EPB41L4A: variants seen among roughly 807,000 people sequenced by gnomAD.
The protein encoded by EPB41L4A is band 4.1-like protein 4A.
EPB41L4A carries 100 observed loss-of-function variants against 108.6 expected under a neutral mutation model. The ratio of observed to expected loss-of-function variants is 0.92; its 90% CI spans 0.78 to 1.09. The LOEUF (loss-of-function observed/expected upper bound fraction) is 1.09. Among genes scored for constraint, EPB41L4A ranks in the 50% least tolerant of loss-of-function variants. The pLI is 0.00. For missense variants in EPB41L4A, 1,030 were observed against 842.7 expected (o/e 1.22, Z -2.75); for synonymous variants, 319 against 289.0 (o/e 1.10, Z -1.05).
intron 1 of EPB41L4A, among the ~76,000 whole-genome samples, chr5:112,405,443 A>AT (rs1195813056): frequency 1.3e-5 from 2 of 152,232 alleles, no homozygotes; most frequent in African/African-American, 4.8e-5. Context: ...AGTTTTGTCC[A>AT]TAATTTGCCA....
At chr5:112,267,417 T>A (rs764640870) in intron 4 of EPB41L4A, among the ~76,000 whole-genome samples, 1 of 152,224 alleles carries the variant, frequency 6.6e-6, no homozygotes, top group Non-Finnish European at 1.5e-5. Flanking sequence ...AGACACCACA[T>A]TGATTATTTC....
intron 4 of EPB41L4A, among the ~76,000 whole-genome samples, chr5:112,271,224 C>A (rs1752241515): frequency 6.6e-6 from 1 of 152,138 alleles, no homozygotes; most frequent in Non-Finnish European, 1.5e-5. Context: ...TCAGCACCTA[C>A]AATAAGAAGG....
rs1392177326 is a variant in EPB41L4A at position 112,259,971 on chromosome 5, G to C, written c.651C>G (p.Asn217Lys). The C allele has an allele frequency of 2.5e-6, 4 of 1,613,436 alleles. No individual in the cohort carries two copies. The highest frequency in any genetic ancestry group is 8.5e-7 in the Non-Finnish European group (1 of 1,179,456). The change falls in exon 8 of 23, where the codon AAC becomes AAG. Residue 217 changes from asparagine to lysine, a missense_variant. By Grantham distance (94) the Asn-to-Lys change is moderately conservative. Transcript: ENST00000261486. ...TTAATCCTAAGAAATACTCAGACTTGTTTTCTCCCTGCAAAAACAAACATA... is the reference window on the plus strand; with the variant it reads ...TTAATCCTAAGAAATACTCAGACTTCTTTTCTCCCTGCAAAAACAAACATA... ...GVDLHPVYGENKSEYFLGLTP... is the reference protein window; with the variant it reads ...GVDLHPVYGEKKSEYFLGLTP...
At chr5:112,209,039 A>T (rs1203208229) in intron 13 of EPB41L4A, among the ~76,000 whole-genome samples, 1 of 152,244 alleles carries the variant, frequency 6.6e-6, no homozygotes, top group East Asian at 1.9e-4. Flanking sequence ...TTCAGATCTT[A>T]AAGTTATCTT....
Position 112,197,353 on chromosome 5 carries a change from T to C in EPB41L4A, c.1377-1645A>G, listed in dbSNP as rs187235024. On this transcript the variant is annotated intron_variant, in intron 15 of 22. Coordinates refer to ENST00000261486, the MANE Select transcript of EPB41L4A (RefSeq NM_022140.5). ...CATTCTGATCTCTTTAACGTATGGC[T>C]TACGTTACTCCATTTCCTCCAACAC... Among the ~76,000 whole-genome samples the C allele has an allele frequency of 3.2e-3, 485 of 152,294 alleles. 2 individuals are homozygous for C. The highest frequency in any genetic ancestry group is 4.4e-3 in the Non-Finnish European group (301 of 68,022).
At chr5:112,212,422 A>G (rs949436251) in intron 12 of EPB41L4A, among the ~76,000 whole-genome samples, 5 of 151,764 alleles carry the variant, frequency 3.3e-5, no homozygotes, top group African/African-American at 1.2e-4. Flanking sequence ...ACTCCCAAGT[A>G]GCTGGGATTA....
intron 4 of EPB41L4A, 37 bp from the exon 5 acceptor site, chr5:112,266,367 T>C: frequency 7.0e-7 from 1 of 1,430,778 alleles, no homozygotes; most frequent in African/African-American, 1.4e-5. Flanking sequence ...AACGATCTCT[T>C]ACACTACTCA....
chr5:112,265,147 A>G (rs1395759979), intron 5 of EPB41L4A, 131 bp from the exon 6 acceptor site: 1 of 806,656 alleles, frequency 1.2e-6, no homozygotes, highest in Non-Finnish European at 1.8e-6. Context: ...AAGACAACTA[A>G]ATAATTTTAC....
At chr5:112,360,923 G>A (rs1421997445) in intron 1 of EPB41L4A, among the ~76,000 whole-genome samples, 6 of 151,890 alleles carry the variant, frequency 4.0e-5, no homozygotes, top group Non-Finnish European at 5.9e-5. Flanking sequence ...CTGCCCCGCC[G>A]CCACTCCGTC....
At chr5:112,351,741 C>G (rs1362784560) in intron 1 of EPB41L4A, among the ~76,000 whole-genome samples, 1 of 151,912 alleles carries the variant, frequency 6.6e-6, no homozygotes, top group African/African-American at 2.4e-5. Flanking sequence ...TGTGAAAATC[C>G]CGAACAAAAG....
intron 1 of EPB41L4A, among the ~76,000 whole-genome samples, chr5:112,318,097 G>T (rs1755544517): frequency 6.6e-6 from 1 of 152,172 alleles, no homozygotes; most frequent in South Asian, 2.1e-4. Context: ...AGAGATGAGT[G>T]ACTTGCCCAC....
At chr5:112,381,056 T>C (rs1405024935) in intron 1 of EPB41L4A, among the ~76,000 whole-genome samples, 2 of 152,130 alleles carry the variant, frequency 1.3e-5, no homozygotes, top group African/African-American at 4.8e-5. Context: ...TCCAATATAT[T>C]TCACATACCA....
At chr5:112,299,283 G>T (rs996560865) in intron 2 of EPB41L4A, among the ~76,000 whole-genome samples, 1 of 152,104 alleles carries the variant, frequency 6.6e-6, no homozygotes, top group Admixed American at 6.6e-5. Context: ...AGGCATTTAA[G>T]GCTATGAACT....
At chr5:112,337,138 T>C (rs909156544) in intron 1 of EPB41L4A, among the ~76,000 whole-genome samples, 1 of 152,236 alleles carries the variant, frequency 6.6e-6, no homozygotes, top group South Asian at 2.1e-4. Flanking sequence ...ATACTGATAA[T>C]GCATGTGTAC....
chr5:112,196,925 TC>T (rs1761990921), intron 15 of EPB41L4A: 1 of 152,208 alleles, frequency 6.6e-6, no homozygotes, highest in Admixed American at 6.5e-5. Context: ...GTTTTCTCCT[TC>T]CGAAGGAAAA....
At chr5:112,385,145 C>T (rs928088242) in intron 1 of EPB41L4A, among the ~76,000 whole-genome samples, 1 of 152,182 alleles carries the variant, frequency 6.6e-6, no homozygotes, top group African/African-American at 2.4e-5. Flanking sequence ...TACAGCCTGA[C>T]AATGTGACCC....
chr5:112,252,488 C>A (rs1219875347), intron 9 of EPB41L4A, among the ~76,000 whole-genome samples: 1 of 152,028 alleles, frequency 6.6e-6, no homozygotes, highest in African/African-American at 2.4e-5. Context: ...AGATATTAGC[C>A]CTAAAATGAT....
intron 9 of EPB41L4A, among the ~76,000 whole-genome samples, chr5:112,248,532 C>G (rs7715255): frequency 0.33 from 50,235 of 151,974 alleles, 8,633 homozygotes; most frequent in Non-Finnish European, 0.38. Context: ...TGAGTCACTT[C>G]TAAGTCCAAT....
chr5:112,336,102 T>C (rs1458047002), intron 1 of EPB41L4A, among the ~76,000 whole-genome samples: 2 of 152,168 alleles, frequency 1.3e-5, no homozygotes, highest in Non-Finnish European at 2.9e-5. Flanking sequence ...ATAAGTGGGA[T>C]GGGAAGGGTC....
Sources: allele counts gnomAD v4.1 joint callset (sites outside exome capture counted in the v4.1 genomes callset), GRCh38; gene constraint gnomAD v4.1.1; transcripts MANE v1.5; gene names NCBI Gene and HGNC (gene_info 2026-07-23, HGNC 2026-07-21).